Variants in CNTNAP2 observed in about 807,000 individuals in gnomAD.
CNTNAP2 encodes contactin-associated protein-like 2.
A neutral mutation model predicts 155.2 loss-of-function variants in CNTNAP2; 98 were observed. The ratio of observed to expected loss-of-function variants is 0.63; its 90% CI spans 0.54 to 0.75. The LOEUF (loss-of-function observed/expected upper bound fraction) is 0.75, where lower values mean the gene tolerates loss of function less well. CNTNAP2 is among the 30% of genes least tolerant of loss of function. CNTNAP2 has a pLI of 0.00. For synonymous variants in CNTNAP2, 651 were observed against 631.2 expected (o/e 1.03, Z -0.47); for missense variants, 1,727 against 1,688.1 (o/e 1.02, Z -0.40).
chr7:146,881,093 T>C (rs183694335), intron 3 of CNTNAP2, among the ~76,000 whole-genome samples: 12 of 152,256 alleles, frequency 7.9e-5, no homozygotes, highest in Non-Finnish European at 5.9e-5. Flanking sequence ...TTAAAAATCC[T>C]TCCAGAATTT....
intron 15 of CNTNAP2, among the ~76,000 whole-genome samples, chr7:148,034,278 G>A (rs1042383846): frequency 5.3e-5 from 8 of 152,140 alleles, no homozygotes; most frequent in African/African-American, 1.2e-4. Context: ...CCAGTCTTAC[G>A]TCCTCATTAT....
At chr7:147,837,289 T>C (rs1798649761) in intron 13 of CNTNAP2, among the ~76,000 whole-genome samples, 1 of 152,160 alleles carries the variant, frequency 6.6e-6, no homozygotes, top group Non-Finnish European at 1.5e-5. Context: ...GGGAAACTTC[T>C]CTTTATAAAA....
intron 9 of CNTNAP2, among the ~76,000 whole-genome samples, chr7:147,325,180 A>G (rs1026577958): frequency 1.3e-5 from 2 of 152,032 alleles, no homozygotes; most frequent in African/African-American, 4.8e-5. Flanking sequence ...CACGCCTGCA[A>G]TCCCAGCTAC....
At chr7:146,884,209 G>A (rs1231316692) in intron 3 of CNTNAP2, among the ~76,000 whole-genome samples, 2 of 152,050 alleles carry the variant, frequency 1.3e-5, no homozygotes, top group Non-Finnish European at 2.9e-5. Flanking sequence ...TGATATGTGG[G>A]TTTTGGATCC....
chr7:147,320,440 C>A (rs1795328768), intron 9 of CNTNAP2, among the ~76,000 whole-genome samples: 1 of 152,016 alleles, frequency 6.6e-6, no homozygotes, highest in Non-Finnish European at 1.5e-5. Context: ...CAGTATGTAC[C>A]AATATTAGTA....
chr7:148,303,515 G>A (rs1797432151), intron 21 of CNTNAP2, among the ~76,000 whole-genome samples: 1 of 152,168 alleles, frequency 6.6e-6, no homozygotes. Context: ...TATAAGCTTG[G>A]CCGTGTTGCA....
intron 1 of CNTNAP2, among the ~76,000 whole-genome samples, chr7:146,372,347 T>G (rs1373022078): frequency 6.6e-6 from 1 of 152,182 alleles, no homozygotes; most frequent in African/African-American, 2.4e-5. Flanking sequence ...AGTAGCAGAT[T>G]TTCTAACACT....
chr7:146,232,470 T>C (rs974783131), intron 1 of CNTNAP2, among the ~76,000 whole-genome samples: 5 of 152,220 alleles, frequency 3.3e-5, no homozygotes, highest in African/African-American at 1.2e-4. Flanking sequence ...TCTAGCTACC[T>C]ATAGGGATAT....
chr7:146,425,079 C>A (rs1235775147), intron 1 of CNTNAP2, among the ~76,000 whole-genome samples: 2 of 152,116 alleles, frequency 1.3e-5, no homozygotes, highest in Non-Finnish European at 2.9e-5. Flanking sequence ...TCCGTAAACA[C>A]AACACTAGAT....
chr7:147,974,266 C>T (rs2116859149), intron 14 of CNTNAP2, among the ~76,000 whole-genome samples: 1 of 152,252 alleles, frequency 6.6e-6, no homozygotes, highest in East Asian at 1.9e-4. Flanking sequence ...ATGCTTTCTC[C>T]TAGCACTAGT....
At chr7:146,498,046 A>C (rs1797246286) in intron 1 of CNTNAP2, among the ~76,000 whole-genome samples, 1 of 152,152 alleles carries the variant, frequency 6.6e-6, no homozygotes, top group Admixed American at 6.6e-5. Flanking sequence ...AGAGAAGTTA[A>C]AGGTACAAAG....
At chr7:146,814,253 T>G (rs1803121493) in intron 2 of CNTNAP2, among the ~76,000 whole-genome samples, 1 of 152,150 alleles carries the variant, frequency 6.6e-6, no homozygotes, top group African/African-American at 2.4e-5. Context: ...TCTAGGCTTC[T>G]TCCCTAGCCA....
At chr7:146,831,049 A>G (rs961835009) in intron 2 of CNTNAP2, among the ~76,000 whole-genome samples, 23 of 152,322 alleles carry the variant, frequency 1.5e-4, no homozygotes, top group East Asian at 7.7e-4. Context: ...AGATACATCT[A>G]TGGAATTTAT....
intron 1 of CNTNAP2, among the ~76,000 whole-genome samples, chr7:146,706,321 A>G (rs777878831): frequency 4.6e-5 from 7 of 152,146 alleles, no homozygotes; most frequent in Non-Finnish European, 8.8e-5. Flanking sequence ...TTATAGCCCA[A>G]TGAGACAGTT....
chr7:147,406,508 G>T (rs1797007979), intron 10 of CNTNAP2, among the ~76,000 whole-genome samples: 1 of 151,878 alleles, frequency 6.6e-6, no homozygotes, highest in Admixed American at 6.5e-5. Context: ...TTGTATTGTT[G>T]TATCTATACT....
intron 1 of CNTNAP2, among the ~76,000 whole-genome samples, chr7:146,656,495 C>G (rs1184698980): frequency 6.6e-6 from 1 of 152,202 alleles, no homozygotes; most frequent in Non-Finnish European, 1.5e-5. Flanking sequence ...AATTTACTTT[C>G]ACATTTTACT....
intron 10 of CNTNAP2, among the ~76,000 whole-genome samples, chr7:147,445,984 T>G (rs1300343745): frequency 6.6e-6 from 1 of 151,962 alleles, no homozygotes; most frequent in Non-Finnish European, 1.5e-5. Flanking sequence ...TCTGAGTGGT[T>G]GTAGGAGATG....
intron 10 of CNTNAP2, among the ~76,000 whole-genome samples, chr7:147,432,691 T>C (rs1797485333): frequency 6.6e-6 from 1 of 152,162 alleles, no homozygotes; most frequent in South Asian, 2.1e-4. Context: ...CACAGTGTTT[T>C]TTGAAATCAT....
At chr7:147,801,947 C>CA (rs953784791) in intron 13 of CNTNAP2, among the ~76,000 whole-genome samples, 7 of 144,878 alleles carry the variant, frequency 4.8e-5, no homozygotes, top group Non-Finnish European at 6.0e-5. Flanking sequence ...GCTGGCCGGG[C>CA]GGGGGGCTGA....
Sources: gnomAD v4.1 joint callset for allele counts (sites outside exome capture counted in the v4.1 genomes callset) on GRCh38, gnomAD v4.1.1 for gene constraint, MANE v1.5 for transcripts, NCBI Gene and HGNC (gene_info 2026-07-23, HGNC 2026-07-21) for gene names.